The following LRP3 variants were observed in gnomAD, a reference collection of about 807,000 sequenced individuals.
The protein encoded by LRP3 is low-density lipoprotein receptor-related protein 3.
LRP3 carries 49 observed loss-of-function variants against 58.5 expected under a neutral mutation model. The ratio of observed to expected loss-of-function variants is 0.84; its 90% CI spans 0.67 to 1.06. LRP3 has a LOEUF of 1.06. LRP3 is among the 50% of genes least tolerant of loss of function. The pLI is 0.00. For missense variants in LRP3, 1,019 were observed against 1,134.2 expected (o/e 0.90, Z 1.46); for synonymous variants, 485 against 492.2 (o/e 0.99, Z 0.20).
At chr19:33,201,066 T>C (rs1974336391) in intron 2 of LRP3, among the ~76,000 whole-genome samples, 1 of 152,172 alleles carries the variant, frequency 6.6e-6, no homozygotes, top group Non-Finnish European at 1.5e-5. Flanking sequence ...GGTCCTCAGA[T>C]GGACCCGTCC....
Position 33,208,845 on chromosome 19 carries a change from AAAC to A in LRP3, c.*1275_*1277del, listed in dbSNP as rs777140826. Reference sequence around the variant, plus strand: ...TTTTTTGCCAAAACACCTCCTCAATAAACAACATGTAAACAGAAACAACTGCTT... The same window carrying A: ...TTTTTTGCCAAAACACCTCCTCAATAAACATGTAAACAGAAACAACTGCTT... On this transcript the variant is annotated 3_prime_UTR_variant, in exon 7 of 7. Transcript: ENST00000253193. This position sits in a 1 kb window ranked among gnomAD's most constrained non-coding sequence, Gnocchi z 4.7. 2 of 1,613,712 alleles carry A rather than the reference AAAC, an allele frequency of 1.2e-6. No individual in the cohort carries two copies. The highest frequency in any genetic ancestry group is 1.7e-6 in the Non-Finnish European group (2 of 1,179,854).
In LRP3 at chr19:33,202,961, G is replaced by A. The variant is rs1475245873; in HGVS notation, c.235G>A (p.Asp79Asn). ...GTNCSWYIQGDRGDMITISFR... is the reference protein window; with the variant it reads ...GTNCSWYIQGNRGDMITISFR... Reference sequence around the variant, plus strand: ...CAACTGCAGCTGGTACATCCAGGGCGACCGTGGTGACATGATTACCATCAG... The same window carrying A: ...CAACTGCAGCTGGTACATCCAGGGCAACCGTGGTGACATGATTACCATCAG... Residue 79 changes from aspartate (D) to asparagine (N), a missense_variant, in exon 3 of 7, where the codon GAC (aspartate) becomes AAC (asparagine). Around this residue, in one of 2 missense-constraint regions of LRP3, gnomAD observed 592 missense variants for 725.5 expected, o/e 0.82. Transcript: ENST00000253193. 5 of 1,613,142 alleles carry A rather than the reference G, an allele frequency of 3.1e-6. No individual in the cohort carries two copies. The highest frequency in any genetic ancestry group is 2.2e-5 in the East Asian group (1 of 44,856).
At chr19:33,204,395 A>T in intron 3 of LRP3, 2 of 563,086 alleles carry the variant, frequency 3.6e-6, no homozygotes, top group South Asian at 4.6e-5. Context: ...GCTGGAAATG[A>T]CCTGCGTGGA....
chr19:33,198,719 C>A (rs1285128304), intron 2 of LRP3, among the ~76,000 whole-genome samples: 2 of 152,200 alleles, frequency 1.3e-5, no homozygotes, highest in African/African-American at 4.8e-5. Flanking sequence ...CCTCCTGCAT[C>A]CCCCCAGCCT....
chr19:33,205,493 C>A lies in LRP3; in HGVS notation c.723C>A (p.Gly241=). The change falls in exon 5 of 7, where the codon GGC becomes GGA. Residue 241 remains glycine, a synonymous_variant. Coordinates refer to ENST00000253193, the MANE Select transcript of LRP3 (RefSeq NM_002333.4). ...ERRCDGLQDC[G]DGSDEAGCPD... Reference sequence around the variant, plus strand: ...GCTGTGACGGCTTGCAGGACTGCGGCGACGGCTCGGATGAGGCGGGCTGCC... The same window carrying A: ...GCTGTGACGGCTTGCAGGACTGCGGAGACGGCTCGGATGAGGCGGGCTGCC... 1 of 1,580,030 alleles carries A rather than the reference C, an allele frequency of 6.3e-7. No homozygotes were observed. The highest frequency in any genetic ancestry group is 8.6e-7 in the Non-Finnish European group (1 of 1,166,182).
At chr19:33,196,872 G>A (rs1974291212) in intron 2 of LRP3, 95 bp downstream of exon 2, 3 of 1,124,616 alleles carry the variant, frequency 2.7e-6, no homozygotes, top group Non-Finnish European at 4.1e-6. Context: ...GCACTACCCC[G>A]AGTTCCTGTG....
chr19:33,206,500 C>G, intron 5 of LRP3, 101 bp from the exon 6 acceptor site: 4 of 1,588,030 alleles, frequency 2.5e-6, no homozygotes, highest in Non-Finnish European at 3.4e-6. Flanking sequence ...GTCCCTATAT[C>G]TTGGGGTGTC....
chr19:33,206,658 C>G lies in LRP3; in HGVS notation c.1650C>G (p.Pro550=), dbSNP rs778844612. The G allele has an allele frequency of 1.4e-5, 22 of 1,591,914 alleles. No individual in the cohort carries two copies. Among genetic ancestry groups the G allele is most frequent in the Non-Finnish European group, 6.0e-6 (7 of 1,169,324 alleles). The change falls in exon 6 of 7, where the codon CCC becomes CCG. Residue 550 remains proline (P), a synonymous_variant. Coordinates refer to ENST00000253193, the MANE Select transcript of LRP3 (RefSeq NM_002333.4). The part of the protein sequence containing the change: ...LEAEFVRREA[P]PSYGQLIAQG... ...CTGAGTTCGTGCGGCGGGAGGCACC[C>G]CCATCCTATGGTCAGCTCATCGCCC...
At position 33,194,760 on chromosome 19, in the gene LRP3, G is replaced by A. The variant is rs1974267325; in HGVS notation, c.-26G>A. The stretch of plus-strand genomic sequence containing the variant: ...GAGCCGGAGCCGCGGGGCAGGAGGC[G>A]GCGCCCGCGGGCGGCCGGGCCCGGC... On this transcript the variant is annotated 5_prime_UTR_variant, in exon 1 of 7. Transcript: ENST00000253193. The A allele has an allele frequency of 3.3e-6, 3 of 902,198 alleles. No individual in the cohort carries two copies. Among genetic ancestry groups the A allele is most frequent in the Non-Finnish European group, 4.0e-6 (3 of 758,336 alleles). The allele number at this position is 902,198 out of a possible 1,614,324, so 55.9% of individuals were successfully genotyped here.
Position 33,206,382 on chromosome 19 carries a change from C to T in LRP3, c.1592+20C>T, listed in dbSNP as rs969254244. 1.9e-6 allele frequency: 3 copies of T among 1,602,726 alleles called. No individual in the cohort carries two copies. The African/African-American group carries it at 4.0e-5, about 21-fold the overall frequency. On this transcript the variant is annotated intron_variant, in intron 5 of 6. Transcript: ENST00000253193. ...ATACAGGTGGGCGCTGTGCCCGCAG[C>T]CAGGGGACCGGGCTTCTTCATCACC...
chr19:33,196,867 A>T (rs1452100809), intron 2 of LRP3, 90 bp downstream of exon 2: 1 of 1,191,394 alleles, frequency 8.4e-7, no homozygotes, highest in Non-Finnish European at 1.3e-6. Flanking sequence ...TCCTGGCACT[A>T]CCCCGAGTTC....
At chr19:33,206,952 C>A in intron 6 of LRP3, 36 bp from the exon 7 acceptor site, 1 of 1,399,042 alleles carries the variant, frequency 7.1e-7, no homozygotes, top group East Asian at 2.6e-5. Context: ...CCCCCTCAGC[C>A]GCATCCCCCC....
chr19:33,205,391 T>C lies in LRP3; in HGVS notation c.621T>C (p.Pro207=), dbSNP rs777021756. Residue 207 remains proline, a synonymous_variant, in exon 5 of 7, where the codon CCT becomes CCC. Transcript: ENST00000253193. ...EGNCSAPASE[P]PGSLCPGGTF... ...ACTGCTCGGCGCCCGCCTCCGAGCC[T>C]CCAGGCAGCCTGTGCCCCGGGGGGA... The C allele has an allele frequency of 2.5e-6, 4 of 1,596,548 alleles. No homozygotes were observed. Among genetic ancestry groups the C allele is most frequent in the Non-Finnish European group, 3.4e-6 (4 of 1,169,604 alleles).
rs1328824900 is a variant in LRP3 at position 33,205,387 on chromosome 19, A to G, written c.617A>G (p.Glu206Gly). Residue 206 changes from glutamate (E) to glycine (G), a missense_variant, in exon 5 of 7, where the codon GAG becomes GGG. Physicochemically the swap from Glu to Gly is moderately conservative, Grantham distance 98. Around this residue, in one of 2 missense-constraint regions of LRP3, gnomAD observed 592 missense variants for 725.5 expected, o/e 0.82. Coordinates refer to ENST00000253193, the MANE Select transcript of LRP3 (RefSeq NM_002333.4). ...GGCAACTGCTCGGCGCCCGCCTCCG[A>G]GCCTCCAGGCAGCCTGTGCCCCGGG... is the stretch of plus-strand genomic sequence containing the variant. The part of the protein sequence containing the change: ...DEGNCSAPAS[E>G]PPGSLCPGGT... 1.9e-6 allele frequency: 3 copies of G among 1,597,042 alleles called. No homozygotes were observed. Among genetic ancestry groups the G allele is most frequent in the Non-Finnish European group, 1.7e-6 (2 of 1,169,784 alleles).
chr19:33,207,207 G>C lies in LRP3; in HGVS notation c.1945G>C (p.Asp649His). The C allele has an allele frequency of 3.9e-6, 6 of 1,556,792 alleles. No homozygotes were observed. The highest frequency in any genetic ancestry group is 5.2e-6 in the Non-Finnish European group (6 of 1,156,868). Residue 649 changes from aspartate (D) to histidine (H), a missense_variant, in exon 7 of 7, where the codon GAC (aspartate) becomes CAC (histidine). Physicochemically the swap from Asp to His is moderately conservative, Grantham distance 81. Around this residue, in one of 2 missense-constraint regions of LRP3, gnomAD observed 427 missense variants for 408.6 expected, o/e 1.04. Transcript: ENST00000253193. ...FLQPAPGAAP[D>H]PPAPLMDTGS... ...CCAGCCTGCTCCAGGGGCTGCCCCC[G>C]ACCCCCCAGCACCGCTCATGGACAC... is the stretch of plus-strand genomic sequence containing the variant.
chr19:33,195,351 G>A (rs868579310), intron 1 of LRP3, among the ~76,000 whole-genome samples: 1 of 152,172 alleles, frequency 6.6e-6, no homozygotes, highest in Non-Finnish European at 1.5e-5. Flanking sequence ...TTTTCCCTTT[G>A]TGTCTCTCAG....
Position 33,207,115 on chromosome 19 carries a change from C to A in LRP3, c.1853C>A (p.Pro618His). Residue 618 changes from proline to histidine, a missense_variant, in exon 7 of 7, where the codon CCC becomes CAC. Around this residue, in one of 2 missense-constraint regions of LRP3, gnomAD observed 427 missense variants for 408.6 expected, o/e 1.04. Transcript: ENST00000253193. ...WNRLFHRPRAPRGQIPLLTAA... is the reference protein window; with the variant it reads ...WNRLFHRPRAHRGQIPLLTAA... ...CGGCTCTTTCACCGGCCGCGGGCGC[C>A]CCGAGGCCAGATCCCACTGCTGACC... is the stretch of plus-strand genomic sequence containing the variant. The A allele has an allele frequency of 6.5e-7, 1 of 1,528,316 alleles. No individual in the cohort carries two copies. The highest frequency in any genetic ancestry group is 8.8e-7 in the Non-Finnish European group (1 of 1,141,396). 94.7% of individuals were successfully genotyped at this position (1,528,316 alleles called of 1,614,324 possible). A position where few individuals can be genotyped will look rare whatever the true frequency, so the allele number is the denominator to read the frequency against.
chr19:33,196,553 G>T (rs1974287649), intron 1 of LRP3, among the ~76,000 whole-genome samples, 177 bp from the exon 2 acceptor site: 1 of 152,172 alleles, frequency 6.6e-6, no homozygotes, highest in African/African-American at 2.4e-5. Flanking sequence ...GGAGGTGGGG[G>T]TGAGGTGGTA....
intron 2 of LRP3, among the ~76,000 whole-genome samples, chr19:33,197,154 G>A (rs910451228): frequency 6.6e-6 from 1 of 152,192 alleles, no homozygotes; most frequent in African/African-American, 2.4e-5. Flanking sequence ...ATTTATAGGA[G>A]TATGACTGAG....
Sources: allele counts gnomAD v4.1 joint callset (sites outside exome capture counted in the v4.1 genomes callset), GRCh38; gene constraint gnomAD v4.1.1; regional missense constraint gnomAD v4.1.1; non-coding constraint Gnocchi (gnomAD v3.1); transcripts MANE v1.5; gene names NCBI Gene and HGNC (gene_info 2026-07-23, HGNC 2026-07-21).